The following PACS1 variants were observed in gnomAD, a reference collection of about 807,000 sequenced individuals.
The protein encoded by PACS1 is phosphofurin acidic cluster sorting protein 1.
PACS1 carries 24 observed loss-of-function variants against 115.0 expected under a neutral mutation model. That is an observed-to-expected ratio of 0.21 (90% confidence interval 0.15 to 0.29). The LOEUF (loss-of-function observed/expected upper bound fraction) is 0.29. PACS1 is among the 10% of genes least tolerant of loss of function. The pLI, the probability that PACS1 is intolerant of heterozygous loss-of-function variation, is 1.00. For missense variants in PACS1, 838 were observed against 1,251.2 expected, an observed-to-expected ratio of 0.67 and a Z score of 4.98; for synonymous variants, 453 against 504.5, an observed-to-expected ratio of 0.90 and a Z score of 1.37.
intron 21 of PACS1, among the ~76,000 whole-genome samples, chr11:66,240,289 G>A (rs1260720308): frequency 6.6e-6 from 1 of 152,092 alleles, no homozygotes; most frequent in Non-Finnish European, 1.5e-5. Context: ...TAGATCAAGG[G>A]TCCAGCAGCA....
intron 3 of PACS1, 138 bp downstream of exon 3, chr11:66,210,589 G>A (rs1855047340): frequency 2.9e-6 from 2 of 695,154 alleles, no homozygotes; most frequent in Admixed American, 2.4e-5. Context: ...TCACCTGGAG[G>A]TTTATGGCTG....
At chr11:66,155,545 C>T (rs964952056) in intron 1 of PACS1, among the ~76,000 whole-genome samples, 1 of 152,184 alleles carries the variant, frequency 6.6e-6, no homozygotes, top group African/African-American at 2.4e-5. Context: ...AATGAACTAC[C>T]GCTCTTTACC....
chr11:66,112,279 G>T (rs1261778525), intron 1 of PACS1, among the ~76,000 whole-genome samples: 1 of 151,942 alleles, frequency 6.6e-6, no homozygotes, highest in South Asian at 2.1e-4. Flanking sequence ...TACCCTCTTC[G>T]CCTAGTTTGC....
rs532657518 is a variant in PACS1, at chr11:66,140,233, T to C, written c.357-53253T>C. Among the ~76,000 whole-genome samples the C allele has an allele frequency of 5.3e-5, 8 of 152,298 alleles. No individual in the cohort carries two copies. The East Asian group carries it at 1.2e-3, about 22-fold the overall frequency. ...TAAGTCTGCATTTCTGACAAGCTTT[T>C]AGAGGGTGCTGAAGCTTTAGCTCTA... On this transcript the variant is annotated intron_variant, in intron 1 of 23. Coordinates refer to ENST00000320580, the MANE Select transcript of PACS1 (RefSeq NM_018026.4).
At chr11:66,172,891 G>A (rs908221682) in intron 1 of PACS1, among the ~76,000 whole-genome samples, 1 of 150,116 alleles carries the variant, frequency 6.7e-6, no homozygotes, top group Admixed American at 6.7e-5. Context: ...CAGGAGAATC[G>A]CTTGAACCCG....
chr11:66,160,365 C>T (rs1859459365), intron 1 of PACS1, among the ~76,000 whole-genome samples: 1 of 152,100 alleles, frequency 6.6e-6, no homozygotes, highest in East Asian at 1.9e-4. Flanking sequence ...TTGCACATAA[C>T]AGTATCTGGC....
intron 1 of PACS1, among the ~76,000 whole-genome samples, chr11:66,153,063 T>A (rs779335454): frequency 3.3e-5 from 5 of 152,108 alleles, no homozygotes; most frequent in Non-Finnish European, 7.4e-5. Context: ...AAATAGTAAA[T>A]ATGTAGGTAA....
chr11:66,201,978 C>G (rs76936118), intron 2 of PACS1, among the ~76,000 whole-genome samples: 1 of 151,232 alleles, frequency 6.6e-6, no homozygotes, highest in East Asian at 1.9e-4. Context: ...TTTGAGAAGA[C>G]AAAATGGATA....
chr11:66,240,196 G>T (rs755106908), intron 21 of PACS1, among the ~76,000 whole-genome samples: 5 of 152,214 alleles, frequency 3.3e-5, no homozygotes, highest in African/African-American at 1.2e-4. Flanking sequence ...GGCGGAGCTC[G>T]GGTTCAGGCT....
chr11:66,211,752 C>T (rs773472714), intron 4 of PACS1, among the ~76,000 whole-genome samples: 4 of 152,212 alleles, frequency 2.6e-5, no homozygotes, highest in South Asian at 2.1e-4. Context: ...GATCAGGACA[C>T]TAACGTTGAG....
intron 1 of PACS1, among the ~76,000 whole-genome samples, chr11:66,091,503 GTTTTTTTTCTT>G (rs1296403116): frequency 3.4e-5 from 5 of 148,794 alleles, no homozygotes; most frequent in Admixed American, 1.3e-4. Flanking sequence ...TGTTGTTGTT[GTTTTTTTTCTT>G]TTTTTTTTCT....
intron 1 of PACS1, among the ~76,000 whole-genome samples, chr11:66,097,563 T>C (rs1415679145): frequency 6.6e-6 from 1 of 152,196 alleles, no homozygotes; most frequent in Non-Finnish European, 1.5e-5. Flanking sequence ...TGGCACCTTA[T>C]AGAGGACCCA....
At chr11:66,188,388 CACAA>C (rs1425894977) in intron 1 of PACS1, among the ~76,000 whole-genome samples, 52 of 152,148 alleles carry the variant, frequency 3.4e-4, no homozygotes, top group Non-Finnish European at 8.8e-5. Context: ...AGTAGACACA[CACAA>C]ACACACACAC....
chr11:66,102,514 G>A (rs1857942414), intron 1 of PACS1, among the ~76,000 whole-genome samples: 1 of 151,538 alleles, frequency 6.6e-6, no homozygotes, highest in African/African-American at 2.4e-5. Flanking sequence ...TAGTACAGAA[G>A]GGGTTTCACC....
chr11:66,241,790 G>A (rs1855820265), intron 22 of PACS1, 137 bp downstream of exon 22: 1 of 679,356 alleles, frequency 1.5e-6, no homozygotes, highest in East Asian at 2.7e-5. Flanking sequence ...GTGCAGAGGG[G>A]GCAGTCCCAC....
chr11:66,099,616 G>T (rs1857868232), intron 1 of PACS1, among the ~76,000 whole-genome samples: 2 of 151,824 alleles, frequency 1.3e-5, no homozygotes, highest in Admixed American at 1.3e-4. Context: ...CTCGATATCA[G>T]CTCACTGCAA....
At chr11:66,144,142 C>G (rs1859065464) in intron 1 of PACS1, among the ~76,000 whole-genome samples, 1 of 152,116 alleles carries the variant, frequency 6.6e-6, no homozygotes, top group African/African-American at 2.4e-5. Context: ...ACCTTGATTC[C>G]TGTTTGCCTC....
intron 1 of PACS1, among the ~76,000 whole-genome samples, chr11:66,168,080 T>C (rs1859648301): frequency 2.7e-5 from 4 of 149,976 alleles, no homozygotes; most frequent in Admixed American, 6.6e-5. Flanking sequence ...TTTAAAAATT[T>C]TTTGTAGAGA....
intron 1 of PACS1, among the ~76,000 whole-genome samples, chr11:66,090,420 G>A (rs1474379159): frequency 2.0e-5 from 3 of 151,694 alleles, no homozygotes; most frequent in African/African-American, 4.8e-5. Context: ...CTACAGGCCC[G>A]TGCTGCCACA....
Sources: allele counts gnomAD v4.1 joint callset (sites outside exome capture counted in the v4.1 genomes callset), GRCh38; gene constraint gnomAD v4.1.1; transcripts MANE v1.5; gene names NCBI Gene and HGNC (gene_info 2026-07-23, HGNC 2026-07-21).